Variants in HDAC8 observed in about 807,000 individuals in gnomAD.
HDAC8 encodes histone deacetylase 8.
Under a neutral mutation model 32.2 loss-of-function variants are expected in HDAC8, and 1 was observed. The ratio of observed to expected loss-of-function variants is 0.03; its 90% CI spans 0.01 to 0.15. The LOEUF is 0.15. HDAC8 is among the 10% of genes least tolerant of loss of function. HDAC8 has a pLI of 1.00. For synonymous variants in HDAC8, 108 were observed against 113.9 expected, an observed-to-expected ratio of 0.95 and a Z score of 0.33; for missense variants, 117 against 300.0, an observed-to-expected ratio of 0.39 and a Z score of 4.51.
intron 9 of HDAC8, among the ~76,000 whole-genome samples, chrX:72,405,009 G>A (rs1268091851): frequency 9.1e-6 from 1 of 110,490 alleles, no homozygotes; most frequent in African/African-American, 3.3e-5. Context: ...ACAAGTGCAG[G>A]TTTGTTATTG....
intron 4 of HDAC8, among the ~76,000 whole-genome samples, chrX:72,567,387 C>G (rs1418763018): frequency 8.9e-6 from 1 of 112,136 alleles, no homozygotes; most frequent in African/African-American, 3.2e-5. Flanking sequence ...TAAGAACTAG[C>G]TCTAAAATTC....
chrX:72,499,128 G>A (rs782679443), intron 4 of HDAC8, among the ~76,000 whole-genome samples: 2 of 111,976 alleles, frequency 1.8e-5, no homozygotes, highest in East Asian at 5.6e-4. Context: ...ACCAGAAGCA[G>A]ATACTGGCAC....
At position 72,512,631 on chromosome X, in the gene HDAC8, T is replaced by C. The variant is rs1354523849; in HGVS notation, c.438-17363A>G. Among the ~76,000 whole-genome samples, 4 of 110,671 alleles carry C rather than the reference T, an allele frequency of 3.6e-5. No individual in the cohort carries two copies. The East Asian group carries it at 1.1e-3, about 32-fold the overall frequency. ...TCCTCTTTTACAATTGAGAAACAAA[T>C]AGGAAATCTACCCCAGAGCACTTAA... On this transcript the variant is annotated intron_variant, in intron 4 of 10. Coordinates refer to ENST00000373573, the MANE Select transcript of HDAC8 (RefSeq NM_018486.3).
At chrX:72,376,564 G>A in intron 9 of HDAC8, among the ~76,000 whole-genome samples, 1 of 111,104 alleles carries the variant, frequency 9.0e-6, no homozygotes, top group Middle Eastern at 4.6e-3. Flanking sequence ...GACTACAGGA[G>A]CATGCCACCA....
rs1270695227 is a variant in HDAC8 at position 72,572,822 on chromosome X, G to C, written c.-61C>G. 1.0e-6 allele frequency: 1 copy of C among 959,553 alleles called. No individual in the cohort carries two copies. Among genetic ancestry groups the C allele is most frequent in the South Asian group, 2.0e-5 (1 of 50,866 alleles). The allele number at this position is 959,553 out of a possible 1,213,427, so 79.1% of individuals were successfully genotyped here. On this transcript the variant is annotated 5_prime_UTR_variant, in exon 1 of 11. Transcript: ENST00000373573. ...ATCTGGCTTTTTTCGGACTCGGCCA[G>C]GGTTCCAGTTCCTGCTCCTCTGATC...
intron 4 of HDAC8, among the ~76,000 whole-genome samples, chrX:72,544,051 C>T (rs1439167994): frequency 8.9e-6 from 1 of 112,504 alleles, no homozygotes; most frequent in African/African-American, 3.2e-5. Context: ...ATTTCCACTT[C>T]CCCTTAAGAT....
chrX:72,429,242 C>A (rs2046744680), intron 9 of HDAC8, among the ~76,000 whole-genome samples: 1 of 111,209 alleles, frequency 9.0e-6, no homozygotes, highest in Non-Finnish European at 1.9e-5. Context: ...AATGGGTGAC[C>A]TAGCAGGAAA....
chrX:72,396,292 A>G (rs1306428088), intron 9 of HDAC8, among the ~76,000 whole-genome samples: 1 of 111,929 alleles, frequency 8.9e-6, no homozygotes, highest in African/African-American at 3.2e-5. Context: ...ACCCTTGATC[A>G]TAAGAGAGGG....
chrX:72,437,368 C>T (rs1338531329), intron 9 of HDAC8, among the ~76,000 whole-genome samples: 1 of 111,914 alleles, frequency 8.9e-6, no homozygotes, highest in Non-Finnish European at 1.9e-5. Flanking sequence ...CCCTCAGGTG[C>T]CTACACCACC....
chrX:72,511,764 A>C (rs1556022075), intron 4 of HDAC8, among the ~76,000 whole-genome samples: 1 of 112,098 alleles, frequency 8.9e-6, no homozygotes, highest in Non-Finnish European at 1.9e-5. Flanking sequence ...AAACACATGG[A>C]TGCTCTTCAA....
intron 9 of HDAC8, among the ~76,000 whole-genome samples, chrX:72,375,359 G>T (rs2045029842): frequency 8.9e-6 from 1 of 112,050 alleles, no homozygotes; most frequent in South Asian, 3.8e-4. Flanking sequence ...AGGCTGAGAA[G>T]ACTTTTGACC....
intron 7 of HDAC8, among the ~76,000 whole-genome samples, chrX:72,488,584 C>T (rs1449679977): frequency 8.9e-6 from 1 of 111,899 alleles, no homozygotes; most frequent in Non-Finnish European, 1.9e-5. Context: ...ACCCTGACAA[C>T]TGAAATGAAC....
intron 4 of HDAC8, among the ~76,000 whole-genome samples, chrX:72,522,930 C>A (rs782321266): frequency 8.9e-6 from 1 of 112,043 alleles, no homozygotes; most frequent in Admixed American, 9.4e-5. Context: ...ACACTTTCCA[C>A]GTCAATAAGT....
At chrX:72,350,364 T>TGTC (rs1467770824) in intron 10 of HDAC8, among the ~76,000 whole-genome samples, 3 of 112,067 alleles carry the variant, frequency 2.7e-5, no homozygotes, top group African/African-American at 9.7e-5. Context: ...ACTTTGCTGC[T>TGTC]GTCATTTACT....
At chrX:72,476,796 G>C (rs2048348526) in intron 7 of HDAC8, among the ~76,000 whole-genome samples, 1 of 111,710 alleles carries the variant, frequency 9.0e-6, no homozygotes, top group Non-Finnish European at 1.9e-5. Flanking sequence ...CCTCAAGTCA[G>C]GCCCTTTGAG....
intron 9 of HDAC8, among the ~76,000 whole-genome samples, chrX:72,433,431 T>C (rs2046871381): frequency 8.9e-6 from 1 of 112,018 alleles, no homozygotes; most frequent in Admixed American, 9.4e-5. Flanking sequence ...TGGTCAAATA[T>C]GGGTGTTAGT....
intron 9 of HDAC8, among the ~76,000 whole-genome samples, chrX:72,435,683 C>A (rs1199685507): frequency 8.9e-6 from 1 of 111,898 alleles, no homozygotes; most frequent in African/African-American, 3.2e-5. Flanking sequence ...GATCAGTGAA[C>A]CTGGCTAGGC....
At chrX:72,484,983 T>C (rs2048624118) in intron 7 of HDAC8, among the ~76,000 whole-genome samples, 1 of 111,855 alleles carries the variant, frequency 8.9e-6, no homozygotes, top group African/African-American at 3.2e-5. Flanking sequence ...ATGATAAAAC[T>C]TGGGAATTAG....
At chrX:72,439,215 G>A (rs2047044914) in intron 9 of HDAC8, among the ~76,000 whole-genome samples, 1 of 111,498 alleles carries the variant, frequency 9.0e-6, no homozygotes, top group Non-Finnish European at 1.9e-5. Context: ...GCCAAACTAA[G>A]GTTCATAAGC....
Sources: allele counts gnomAD v4.1 joint callset (sites outside exome capture counted in the v4.1 genomes callset), GRCh38; gene constraint gnomAD v4.1.1; transcripts MANE v1.5; gene names NCBI Gene and HGNC (gene_info 2026-07-23, HGNC 2026-07-21).